ESF1: variants seen among roughly 807,000 people sequenced by gnomAD.
ESF1 encodes the protein ESF1 homolog.
Under a neutral mutation model 92.0 loss-of-function variants are expected in ESF1, and 58 were observed. The ratio of observed to expected loss-of-function variants is 0.63; its 90% CI spans 0.51 to 0.78. The LOEUF (loss-of-function observed/expected upper bound fraction) is 0.78. Among genes scored for constraint, ESF1 ranks in the 30% least tolerant of loss-of-function variants. The pLI is 0.00. For synonymous variants in ESF1, 321 were observed against 313.7 expected (o/e 1.02, Z -0.24); for missense variants, 922 against 989.1 (o/e 0.93, Z 0.91).
intron 4 of ESF1, among the ~76,000 whole-genome samples, chr20:13,773,862 G>A (rs1233350397): frequency 2.6e-5 from 4 of 152,066 alleles, no homozygotes; most frequent in Admixed American, 6.6e-5. Context: ...TTGGGAGGCC[G>A]AGGCGGGCGG....
chr20:13,749,770 T>C (rs1978542116), intron 9 of ESF1, among the ~76,000 whole-genome samples: 1 of 151,970 alleles, frequency 6.6e-6, no homozygotes. Context: ...TTTCACCATG[T>C]TGGCCAGTCT....
intron 8 of ESF1, among the ~76,000 whole-genome samples, chr20:13,763,476 A>T (rs572729815): frequency 6.6e-6 from 1 of 152,250 alleles, no homozygotes; most frequent in Non-Finnish European, 1.5e-5. Context: ...CTTGTATCCA[A>T]TCTTCACAAG....
chr20:13,762,115 CT>C (rs1979227810), intron 8 of ESF1, among the ~76,000 whole-genome samples: 2 of 151,598 alleles, frequency 1.3e-5, no homozygotes, highest in East Asian at 1.9e-4. Flanking sequence ...TTTATTTTTT[CT>C]TTTTTCAGCA....
chr20:13,718,201 C>T (rs1265980408), intron 12 of ESF1, among the ~76,000 whole-genome samples: 1 of 152,150 alleles, frequency 6.6e-6, no homozygotes, highest in East Asian at 1.9e-4. Context: ...CCTTAATTTC[C>T]TTTTGTCACT....
At chr20:13,717,603 A>G in intron 12 of ESF1, 89 bp from the exon 13 acceptor site, 1 of 1,417,200 alleles carries the variant, frequency 7.1e-7, no homozygotes, top group African/African-American at 1.4e-5. Context: ...TATCTCTTCT[A>G]GAAAGGAAGA....
At chr20:13,748,437 T>C (rs1348943414) in intron 9 of ESF1, among the ~76,000 whole-genome samples, 2 of 13,906 alleles carry the variant, frequency 1.4e-4, no homozygotes, top group Non-Finnish European at 2.2e-4. Context: ...CACATATATA[T>C]ACACATATAT....
chr20:13,776,418 A>G, intron 2 of ESF1, 148 bp from the exon 3 acceptor site: 1 of 763,716 alleles, frequency 1.3e-6, no homozygotes, highest in South Asian at 2.1e-5. Context: ...TGCTTAGTCA[A>G]TTTTTATGAT....
At chr20:13,725,265 T>C (rs1332045885) in intron 11 of ESF1, among the ~76,000 whole-genome samples, 1 of 152,238 alleles carries the variant, frequency 6.6e-6, no homozygotes, top group African/African-American at 2.4e-5. Flanking sequence ...TACAAATTTA[T>C]CTGCATTTGT....
At chr20:13,734,142 G>A (rs1389242364) in intron 9 of ESF1, among the ~76,000 whole-genome samples, 1 of 152,120 alleles carries the variant, frequency 6.6e-6, no homozygotes, top group Non-Finnish European at 1.5e-5. Flanking sequence ...CTGTATTTAG[G>A]CTCAGCCTTC....
At chr20:13,760,348 A>T (rs1979111618) in intron 8 of ESF1, among the ~76,000 whole-genome samples, 4 of 151,462 alleles carry the variant, frequency 2.6e-5, no homozygotes, top group Admixed American at 2.6e-4. Context: ...CTAGGAAGTG[A>T]GGAGCATCTC....
intron 4 of ESF1, 69 bp from the exon 5 acceptor site, chr20:13,772,684 G>A (rs911337701): frequency 2.1e-5 from 24 of 1,122,498 alleles, no homozygotes; most frequent in Non-Finnish European, 2.9e-5. Context: ...ACCTGTCGAA[G>A]TCAGGAACTC....
chr20:13,776,684 A>G (rs1979958698), intron 2 of ESF1, among the ~76,000 whole-genome samples: 1 of 152,234 alleles, frequency 6.6e-6, no homozygotes, highest in Admixed American at 6.5e-5. Flanking sequence ...AATATATAGG[A>G]AAAGTTAAAA....
chr20:13,745,981 GAC>G (rs1415595743), intron 9 of ESF1, among the ~76,000 whole-genome samples: 1 of 152,066 alleles, frequency 6.6e-6, no homozygotes, highest in African/African-American at 2.4e-5. Flanking sequence ...TTTATTATTT[GAC>G]ACAGAGTCTC....
intron 12 of ESF1, 128 bp downstream of exon 12, chr20:13,718,778 GTC>G (rs1440034455): frequency 2.1e-6 from 1 of 469,168 alleles, no homozygotes; most frequent in African/African-American, 2.0e-5. Flanking sequence ...ATTTAATTAT[GTC>G]TCTTACAATT....
intron 9 of ESF1, among the ~76,000 whole-genome samples, chr20:13,752,411 T>C (rs1321689365): frequency 6.6e-6 from 1 of 152,216 alleles, no homozygotes; most frequent in Non-Finnish European, 1.5e-5. Flanking sequence ...TATTTTTAAG[T>C]TCAGGTTTTC....
intron 4 of ESF1, 126 bp from the exon 5 acceptor site, chr20:13,772,741 T>G (rs571106379): frequency 1.6e-6 from 1 of 630,994 alleles, no homozygotes; most frequent in South Asian, 2.0e-5. Flanking sequence ...GTGACTCACT[T>G]CCAAATCCAC....
intron 11 of ESF1, among the ~76,000 whole-genome samples, chr20:13,720,712 A>G (rs2049862076): frequency 6.6e-6 from 1 of 152,260 alleles, no homozygotes; most frequent in African/African-American, 2.4e-5. Flanking sequence ...ATGATATACC[A>G]TAAAAGTATA....
intron 4 of ESF1, among the ~76,000 whole-genome samples, 176 bp from the exon 5 acceptor site, chr20:13,772,791 A>G (rs1979750706): frequency 6.6e-6 from 1 of 152,222 alleles, no homozygotes. Context: ...TTATTTAAAA[A>G]TAGATCACTT....
intron 10 of ESF1, among the ~76,000 whole-genome samples, chr20:13,729,625 C>T (rs1211542102): frequency 6.6e-6 from 1 of 152,060 alleles, no homozygotes; most frequent in East Asian, 1.9e-4. Flanking sequence ...TTATTAGTTA[C>T]AACAATTTAT....
Sources: allele counts gnomAD v4.1 joint callset (sites outside exome capture counted in the v4.1 genomes callset), GRCh38; gene constraint gnomAD v4.1.1; transcripts MANE v1.5; gene names NCBI Gene and HGNC (gene_info 2026-07-23, HGNC 2026-07-21).